PIK3R5: variants seen among roughly 807,000 people sequenced by gnomAD.
PIK3R5 encodes the protein phosphoinositide-3-kinase regulatory subunit 5, also known as phosphoinositide 3-kinase regulatory subunit 5.
Under a neutral mutation model 94.9 loss-of-function variants are expected in PIK3R5, and 32 were observed. The observed-to-expected ratio is 0.34, with a 90% CI of 0.25 to 0.45. The LOEUF is 0.45. PIK3R5 is among the 20% of genes least tolerant of loss of function. PIK3R5 has a pLI of 1.00. For missense variants in PIK3R5, 853 were observed against 1,144.6 expected, an observed-to-expected ratio of 0.75 and a Z score of 3.68; for synonymous variants, 443 against 479.4, an observed-to-expected ratio of 0.92 and a Z score of 0.99.
At chr17:8,886,403 T>C in intron 13 of PIK3R5, 74 bp downstream of exon 13, 1 of 1,599,804 alleles carries the variant, frequency 6.3e-7, no homozygotes, top group Non-Finnish European at 8.6e-7. Context: ...ACCTGCTGGC[T>C]CTCCCGGGGC....
intron 1 of PIK3R5, among the ~76,000 whole-genome samples, chr17:8,917,416 A>G (rs2090651566): frequency 6.6e-6 from 1 of 152,210 alleles, no homozygotes. Context: ...TAACATAACC[A>G]CACTGACGGG....
At chr17:8,933,069 A>G (rs1285566764) in intron 1 of PIK3R5, among the ~76,000 whole-genome samples, 3 of 152,214 alleles carry the variant, frequency 2.0e-5, no homozygotes, top group African/African-American at 7.2e-5. Context: ...AAACTAGGAT[A>G]GAGTGATATA....
At chr17:8,959,866 A>G (rs575275616) in intron 1 of PIK3R5, among the ~76,000 whole-genome samples, 220 of 152,334 alleles carry the variant, frequency 1.4e-3, no homozygotes, top group Middle Eastern at 6.8e-3. Context: ...GAACAGAATG[A>G]AGGCCTGGCA....
intron 14 of PIK3R5, among the ~76,000 whole-genome samples, chr17:8,885,253 C>G (rs61761111): frequency 0.037 from 5,576 of 150,998 alleles, 354 homozygotes; most frequent in African/African-American, 0.13. Context: ...TCCCGGTAAC[C>G]GTGCCTCCCC....
intron 1 of PIK3R5, among the ~76,000 whole-genome samples, chr17:8,956,336 A>G (rs900089815): frequency 6.8e-6 from 1 of 147,920 alleles, no homozygotes. Context: ...TCTGCCATTG[A>G]GGTCTGAAGA....
At position 8,889,860 on chromosome 17, in the gene PIK3R5, T is replaced by G; in HGVS notation, c.811+113A>C. 1 of 1,055,624 alleles carries G rather than the reference T, an allele frequency of 9.5e-7. No homozygotes were observed. The highest frequency in any genetic ancestry group is 1.9e-5 in the Admixed American group (1 of 51,432). The allele number at this position is 1,055,624 out of a possible 1,614,324, so 65.4% of individuals were successfully genotyped here. A position where few individuals can be genotyped will look rare whatever the true frequency, so the allele number is the denominator to read the frequency against. ...GCAGTGAGATGCTGAAGAAGCTGAG[T>G]CCCTGAGTGACTGTGTGGAGCAGAG... On this transcript the variant is annotated intron_variant, in intron 8 of 18. Transcript: ENST00000447110. The surrounding 1 kb of genome is among the most constrained non-coding windows in gnomAD (Gnocchi z 4.1).
intron 1 of PIK3R5, among the ~76,000 whole-genome samples, chr17:8,930,085 A>G (rs769252687): frequency 1.3e-5 from 2 of 152,232 alleles, no homozygotes; most frequent in Non-Finnish European, 2.9e-5. Context: ...CTATCAGTCA[A>G]CAGGATCTAA....
intron 5 of PIK3R5, among the ~76,000 whole-genome samples, chr17:8,894,103 G>A (rs1400801356): frequency 6.6e-6 from 1 of 152,186 alleles, no homozygotes; most frequent in Non-Finnish European, 1.5e-5. Context: ...CTTTAGCCCT[G>A]GGCCTCAGTT....
intron 1 of PIK3R5, among the ~76,000 whole-genome samples, chr17:8,931,526 T>G (rs1486846916): frequency 6.6e-6 from 1 of 152,116 alleles, no homozygotes; most frequent in East Asian, 1.9e-4. Context: ...TTCCGTTGTT[T>G]GAAGCATAGA....
chr17:8,885,894 C>T (rs1456699264), intron 14 of PIK3R5, among the ~76,000 whole-genome samples: 2 of 145,840 alleles, frequency 1.4e-5, no homozygotes, highest in Non-Finnish European at 3.0e-5. Context: ...CCCGGTAACC[C>T]TGCCTCCCCA....
At position 8,911,146 on chromosome 17, in the gene PIK3R5, AG is replaced by A. The variant is rs1316024405; in HGVS notation, c.103+245del. On this transcript the variant is annotated intron_variant, in intron 2 of 18. Transcript: ENST00000447110. This position sits in a 1 kb window ranked among gnomAD's most constrained non-coding sequence, Gnocchi z 5.3. ...TTCGATGGATTCTTCCAGAAGTAAA[AG>A]GCAGCCAGCCCTGAGTAGGATGAGG... Among the ~76,000 whole-genome samples the A allele has an allele frequency of 6.6e-5, 10 of 152,210 alleles. No individual in the cohort carries two copies. The highest frequency in any genetic ancestry group is 2.4e-4 in the African/African-American group (10 of 41,452).
intron 2 of PIK3R5, among the ~76,000 whole-genome samples, chr17:8,910,088 G>C (rs2090490346): frequency 6.6e-6 from 1 of 152,182 alleles, no homozygotes; most frequent in Admixed American, 6.5e-5. Context: ...AGTCAGCAAG[G>C]GTAAACCCCT....
chr17:8,942,963 T>TACACACACACACACACACAC (rs112851950), intron 1 of PIK3R5, among the ~76,000 whole-genome samples: 1,769 of 149,122 alleles, frequency 0.012, 16 homozygotes, highest in Middle Eastern at 0.052. Context: ...GATCACGTCA[T>TACACACACACACACACACAC]ACACACACAC....
intron 5 of PIK3R5, among the ~76,000 whole-genome samples, chr17:8,894,075 G>C (rs941600661): frequency 1.3e-5 from 2 of 152,184 alleles, no homozygotes; most frequent in African/African-American, 4.8e-5. Context: ...GCTCTTCTGC[G>C]TGGCCTTGGC....
intron 5 of PIK3R5, among the ~76,000 whole-genome samples, chr17:8,899,776 A>G (rs2090237188): frequency 6.6e-6 from 1 of 152,200 alleles, no homozygotes; most frequent in South Asian, 2.1e-4. Flanking sequence ...GCGGTGGCTC[A>G]TGCTTGTAAT....
At chr17:8,960,033 C>G (rs750545760) in intron 1 of PIK3R5, among the ~76,000 whole-genome samples, 23 of 152,100 alleles carry the variant, frequency 1.5e-4, no homozygotes, top group Non-Finnish European at 2.4e-4. Flanking sequence ...ATGACCTCAG[C>G]GTCCATAAGC....
chr17:8,926,155 C>G (rs562240125), intron 1 of PIK3R5, among the ~76,000 whole-genome samples: 1 of 152,166 alleles, frequency 6.6e-6, no homozygotes, highest in Non-Finnish European at 1.5e-5. Context: ...AATGCCACTG[C>G]AAGGTCTACA....
rs2090160063 is a variant in PIK3R5 at position 8,896,719 on chromosome 17, AT to A, written c.413-3065del. Among the ~76,000 whole-genome samples, 1 of 152,174 alleles carries A rather than the reference AT, an allele frequency of 6.6e-6. No homozygotes were observed. The highest frequency in any genetic ancestry group is 6.5e-5 in the Admixed American group (1 of 15,274). ...ATCCAGGACACAGGAAAATCACTAC[AT>A]CTGCCATCAAGCAAGCACTGGTATT... On this transcript the variant is annotated intron_variant, in intron 5 of 18. Transcript: ENST00000447110. The surrounding 1 kb of genome is among the most constrained non-coding windows in gnomAD (Gnocchi z 4.0).
chr17:8,923,902 C>G (rs1009041428), intron 1 of PIK3R5, among the ~76,000 whole-genome samples: 7 of 137,398 alleles, frequency 5.1e-5, no homozygotes, highest in Non-Finnish European at 9.5e-5. Flanking sequence ...CTCCCCTCCC[C>G]TCCCCTTCCC....
Sources: gnomAD v4.1 joint callset for allele counts (sites outside exome capture counted in the v4.1 genomes callset) on GRCh38, gnomAD v4.1.1 for gene constraint, Gnocchi (gnomAD v3.1) non-coding constraint, MANE v1.5 for transcripts, NCBI Gene and HGNC (gene_info 2026-07-23, HGNC 2026-07-21) for gene names.